ARHGAP24: variants seen among roughly 807,000 people sequenced by gnomAD.
The protein encoded by ARHGAP24 is Rho GTPase activating protein 24, also known as rho GTPase-activating protein 24.
Under a neutral mutation model 76.4 loss-of-function variants are expected in ARHGAP24, and 50 were observed. The ratio of observed to expected loss-of-function variants is 0.65; its 90% CI spans 0.52 to 0.83. ARHGAP24 has a LOEUF of 0.83. Among genes scored for constraint, ARHGAP24 ranks in the 40% least tolerant of loss-of-function variants. ARHGAP24 has a pLI of 0.00. For missense variants in ARHGAP24, 930 were observed against 914.2 expected, an observed-to-expected ratio of 1.02 and a Z score of -0.22; for synonymous variants, 345 against 323.3, an observed-to-expected ratio of 1.07 and a Z score of -0.72.
At chr4:85,554,863 G>T (rs1452955916) in intron 1 of ARHGAP24, among the ~76,000 whole-genome samples, 10 of 149,034 alleles carry the variant, frequency 6.7e-5, no homozygotes, top group African/African-American at 2.3e-4. Context: ...TGTATTTTTA[G>T]TAGAGATGGG....
intron 2 of ARHGAP24, among the ~76,000 whole-genome samples, chr4:85,645,102 C>A (rs1396753716): frequency 6.6e-6 from 1 of 152,082 alleles, no homozygotes; most frequent in Non-Finnish European, 1.5e-5. Flanking sequence ...CAGTGGACAT[C>A]TGTTCATTTT....
intron 3 of ARHGAP24, among the ~76,000 whole-genome samples, chr4:85,867,893 G>A (rs1445908652): frequency 2.2e-4 from 5 of 22,310 alleles, no homozygotes; most frequent in South Asian, 6.0e-3. Flanking sequence ...TAATGTGTGT[G>A]TGTACATATA....
chr4:85,720,994 C>T (rs1724911398), intron 2 of ARHGAP24, among the ~76,000 whole-genome samples: 1 of 151,546 alleles, frequency 6.6e-6, no homozygotes, highest in African/African-American at 2.4e-5. Flanking sequence ...AGTAGGCAAA[C>T]AAAAAAATAG....
chr4:85,736,014 C>T (rs72656262), intron 3 of ARHGAP24, among the ~76,000 whole-genome samples: 11,427 of 152,156 alleles, frequency 0.075, 497 homozygotes, highest in Middle Eastern at 0.1. Context: ...TTGAGTTTCT[C>T]AAATGTGCAA....
In ARHGAP24 at chr4:85,972,140, C is replaced by A; in HGVS notation, c.704C>A (p.Ala235Asp). The change falls in exon 6 of 10, where the codon GCC becomes GAC. Residue 235 changes from alanine to aspartate, a missense_variant. Ala to Asp is a moderately radical substitution (Grantham distance 126). Coordinates refer to ENST00000395184, the MANE Select transcript of ARHGAP24 (RefSeq NM_001025616.3). Reference sequence around the variant, plus strand: ...AAGTATGAAGATTTTTTGTCATGTGCCAAACTGCTCAGCAAGGAAGAGGAA... The same window carrying A: ...AAGTATGAAGATTTTTTGTCATGTGACAAACTGCTCAGCAAGGAAGAGGAA... ...YAKYEDFLSC[A>D]KLLSKEEEAG... 1 of 1,613,526 alleles carries A rather than the reference C, an allele frequency of 6.2e-7. No individual in the cohort carries two copies. The highest frequency in any genetic ancestry group is 8.5e-7 in the Non-Finnish European group (1 of 1,179,952).
At chr4:85,944,380 G>A (rs938258791) in intron 5 of ARHGAP24, among the ~76,000 whole-genome samples, 27 of 152,306 alleles carry the variant, frequency 1.8e-4, no homozygotes, top group African/African-American at 6.0e-4. Context: ...CTTTTGAGAA[G>A]TGTCTGGTCA....
rs775766860 is a variant in ARHGAP24 at position 85,724,489 on chromosome 4, G to GTATATA, written c.268+2518_268+2519insATATAT. 1.7e-3 allele frequency among the ~76,000 whole-genome samples: 217 copies of GTATATA among 131,430 alleles called. 5 individuals are homozygous for GTATATA. The highest frequency in any genetic ancestry group is 5.8e-3 in the African/African-American group (194 of 33,288). 86.2% of individuals were successfully genotyped at this position (131,430 alleles called of 152,430 possible). On this transcript the variant is annotated intron_variant, in intron 3 of 9. Transcript: ENST00000395184. ...GTATGTCCTTATAATTTTTCCATGTGTGTATATATATATATATATATATAT... is the reference window on the plus strand; with the variant it reads ...GTATGTCCTTATAATTTTTCCATGTGTATATATGTATATATATATATATATATATAT...
chr4:85,734,018 T>C (rs1725513074), intron 3 of ARHGAP24, among the ~76,000 whole-genome samples: 1 of 152,146 alleles, frequency 6.6e-6, no homozygotes, highest in African/African-American at 2.4e-5. Context: ...TGACTGACTG[T>C]TTGAGCTCCA....
chr4:85,581,464 T>C (rs930486267), intron 2 of ARHGAP24, among the ~76,000 whole-genome samples: 1 of 152,184 alleles, frequency 6.6e-6, no homozygotes, highest in African/African-American at 2.4e-5. Context: ...CTTGTTCTAC[T>C]TTGTGGCCAA....
intron 2 of ARHGAP24, among the ~76,000 whole-genome samples, chr4:85,664,188 A>C (rs1396181595): frequency 2.6e-5 from 4 of 151,360 alleles, no homozygotes; most frequent in African/African-American, 4.9e-5. Context: ...ACAATTTCAG[A>C]GCCTGTTATT....
chr4:85,671,427 A>T (rs1722813270), intron 2 of ARHGAP24, among the ~76,000 whole-genome samples: 1 of 152,152 alleles, frequency 6.6e-6, no homozygotes, highest in African/African-American at 2.4e-5. Context: ...TTAGATTTTT[A>T]TATTCCAGTG....
chr4:85,527,538 A>G (rs1540595), intron 1 of ARHGAP24, among the ~76,000 whole-genome samples: 16,913 of 152,098 alleles, frequency 0.11, 3,023 homozygotes, highest in African/African-American at 0.38. Flanking sequence ...ACGTCTCTGT[A>G]TTACCAGTCT....
chr4:85,633,721 A>G (rs1721229840), intron 2 of ARHGAP24, among the ~76,000 whole-genome samples: 1 of 151,806 alleles, frequency 6.6e-6, no homozygotes, highest in Non-Finnish European at 1.5e-5. Context: ...TTAATTAACT[A>G]TTGTAAATTA....
chr4:85,774,107 C>T (rs181482497), intron 3 of ARHGAP24, among the ~76,000 whole-genome samples: 1 of 152,272 alleles, frequency 6.6e-6, no homozygotes, highest in Admixed American at 6.5e-5. Flanking sequence ...AAAGAATCAC[C>T]CTCTCCCTAT....
intron 3 of ARHGAP24, among the ~76,000 whole-genome samples, chr4:85,902,814 G>C (rs567971110): frequency 6.6e-6 from 1 of 152,296 alleles, no homozygotes; most frequent in East Asian, 1.9e-4. Flanking sequence ...ATGTTGGCCA[G>C]GCTGGTCTCG....
At position 85,941,993 on chromosome 4, in the gene ARHGAP24, A is replaced by G. The variant is rs1446746071; in HGVS notation, c.392-73A>G. ...CAATCTTTGTTTTTCTGTTATATTG[A>G]ATTAAAACAACAACAACAACAAAGT... On this transcript the variant is annotated intron_variant, in intron 4 of 9. Coordinates refer to ENST00000395184, the MANE Select transcript of ARHGAP24 (RefSeq NM_001025616.3). The G allele has an allele frequency of 1.5e-5, 22 of 1,463,484 alleles. No homozygotes were observed. The Middle Eastern group carries it at 9.2e-4, about 61-fold the overall frequency. 90.7% of individuals were successfully genotyped at this position (1,463,484 alleles called of 1,614,324 possible). A position where few individuals can be genotyped will look rare whatever the true frequency, so the allele number is the denominator to read the frequency against.
At chr4:85,642,641 T>A (rs1268568617) in intron 2 of ARHGAP24, among the ~76,000 whole-genome samples, 1 of 152,126 alleles carries the variant, frequency 6.6e-6, no homozygotes, top group African/African-American at 2.4e-5. Context: ...TCAAAATATA[T>A]CCAAAACTTT....
At chr4:85,694,222 C>G (rs372022408) in intron 2 of ARHGAP24, among the ~76,000 whole-genome samples, 6 of 152,108 alleles carry the variant, frequency 3.9e-5, no homozygotes, top group African/African-American at 1.4e-4. Flanking sequence ...AGTCAGCCAT[C>G]TTGTCCCTTC....
chr4:85,791,714 G>A (rs1435210228), intron 3 of ARHGAP24, among the ~76,000 whole-genome samples: 1 of 152,188 alleles, frequency 6.6e-6, no homozygotes, highest in African/African-American at 2.4e-5. Context: ...TAAGGACTCT[G>A]CTGACCCACA....
Sources: gnomAD v4.1 joint callset for allele counts (sites outside exome capture counted in the v4.1 genomes callset) on GRCh38, gnomAD v4.1.1 for gene constraint, MANE v1.5 for transcripts, NCBI Gene and HGNC (gene_info 2026-07-23, HGNC 2026-07-21) for gene names.